KDM4B: variants seen among roughly 807,000 people sequenced by gnomAD.
KDM4B encodes lysine demethylase 4B.
KDM4B carries 32 observed loss-of-function variants against 125.2 expected under a neutral mutation model. The ratio of observed to expected loss-of-function variants is 0.26; its 90% CI spans 0.19 to 0.34. KDM4B has a LOEUF of 0.34. Among genes scored for constraint, KDM4B ranks in the 10% least tolerant of loss-of-function variants. KDM4B has a pLI of 1.00. For synonymous variants in KDM4B, 721 were observed against 677.9 expected, an observed-to-expected ratio of 1.06 and a Z score of -0.99; for missense variants, 1,190 against 1,577.7, an observed-to-expected ratio of 0.75 and a Z score of 4.16.
chr19:5,071,877 A>G (rs559544440), intron 7 of KDM4B, among the ~76,000 whole-genome samples: 1 of 152,328 alleles, frequency 6.6e-6, no homozygotes, highest in South Asian at 2.1e-4. Context: ...TGGCTAAAGC[A>G]GTTCCTCCCT....
chr19:5,111,251 G>A, intron 10 of KDM4B: 1 of 646,188 alleles, frequency 1.5e-6, no homozygotes, highest in South Asian at 1.8e-5. Flanking sequence ...GGCGCTGAGA[G>A]CAGTCGGGTT....
intron 11 of KDM4B, among the ~76,000 whole-genome samples, chr19:5,130,299 G>A (rs151180969): frequency 6.6e-6 from 1 of 152,276 alleles, no homozygotes; most frequent in Non-Finnish European, 1.5e-5. Flanking sequence ...GGACCCGCAC[G>A]CTTCTGGGGG....
chr19:5,137,859 C>A, intron 17 of KDM4B, 103 bp from the exon 18 acceptor site: 2 of 1,135,876 alleles, frequency 1.8e-6, no homozygotes, highest in Non-Finnish European at 2.5e-6. Context: ...TCCTGAAGTT[C>A]CCCAGGCCCT....
At chr19:5,013,591 C>T (rs1218006227) in intron 1 of KDM4B, among the ~76,000 whole-genome samples, 4 of 152,154 alleles carry the variant, frequency 2.6e-5, no homozygotes, top group African/African-American at 4.8e-5. Flanking sequence ...TAGAGGTGTC[C>T]GCATCCCTCG....
At chr19:5,060,119 C>T (rs777501441) in intron 6 of KDM4B, among the ~76,000 whole-genome samples, 6 of 152,186 alleles carry the variant, frequency 3.9e-5, no homozygotes, top group Admixed American at 6.5e-5. Flanking sequence ...TGATCTTGGC[C>T]GGGTGATCCC....
intron 9 of KDM4B, 55 bp from the exon 10 acceptor site, chr19:5,110,567 T>C (rs1599206486): frequency 6.3e-7 from 1 of 1,587,196 alleles, no homozygotes; most frequent in Non-Finnish European, 8.6e-7. Flanking sequence ...GTGGGGTGTG[T>C]GGAGCCAGCC....
At chr19:5,138,429 C>G in intron 18 of KDM4B, 1 of 234,122 alleles carries the variant, frequency 4.3e-6, no homozygotes, top group Non-Finnish European at 8.4e-6. Context: ...GCTGTCTGAT[C>G]TTTGCTGTTT....
At chr19:5,048,800 G>A (rs930877828) in intron 6 of KDM4B, among the ~76,000 whole-genome samples, 1 of 152,216 alleles carries the variant, frequency 6.6e-6, no homozygotes, top group Non-Finnish European at 1.5e-5. Flanking sequence ...CCCATGGTGT[G>A]ACCGGGTTTG....
chr19:5,040,137 C>T (rs1265190836), intron 4 of KDM4B, 126 bp downstream of exon 4: 25 of 1,090,398 alleles, frequency 2.3e-5, no homozygotes, highest in Non-Finnish European at 2.8e-5. Flanking sequence ...GCTCTGTGTG[C>T]CCCGTGTGGG....
At chr19:5,077,246 C>T (rs2038145619) in intron 7 of KDM4B, 121 bp from the exon 8 acceptor site, 2 of 803,208 alleles carry the variant, frequency 2.5e-6, no homozygotes, top group African/African-American at 1.7e-5. Flanking sequence ...GGGCCGTGCT[C>T]TGTGCTCCCA....
intron 9 of KDM4B, among the ~76,000 whole-genome samples, chr19:5,103,139 C>T (rs756023388): frequency 7.2e-5 from 11 of 152,132 alleles, no homozygotes; most frequent in Non-Finnish European, 1.5e-4. Flanking sequence ...GTGTGCAGAG[C>T]CCAGGGCCAA....
chr19:4,985,380 G>T (rs773825235), intron 1 of KDM4B, among the ~76,000 whole-genome samples: 1 of 152,192 alleles, frequency 6.6e-6, no homozygotes, highest in Non-Finnish European at 1.5e-5. Context: ...ACAAGCTGCC[G>T]TCATCTCCAG....
At position 5,151,402 on chromosome 19, in the gene KDM4B, C is replaced by G. The variant is rs752798255; in HGVS notation, c.3182C>G (p.Pro1061Arg). ...GAGGAGGCCAAGGCCGCCAAGCGCC[C>G]GCGTGTGGGCACCCCGCTTGCCACG... The part of the protein sequence containing the change: ...SGEEAKAAKR[P>R]RVGTPLATED... The change falls in exon 23 of 23, where the codon CCG (proline) becomes CGG (arginine). Residue 1061 changes from proline to arginine, a missense_variant. Physicochemically the swap from Pro to Arg is moderately radical, Grantham distance 103. Around this residue, in one of 7 missense-constraint regions of KDM4B, gnomAD observed 109 missense variants for 93.8 expected, o/e 1.16. Coordinates refer to ENST00000159111, the MANE Select transcript of KDM4B (RefSeq NM_015015.3). 1 of 1,582,078 alleles carries G rather than the reference C, an allele frequency of 6.3e-7. No individual in the cohort carries two copies. Among genetic ancestry groups the G allele is most frequent in the Non-Finnish European group, 8.6e-7 (1 of 1,166,584 alleles).
chr19:5,118,887 C>T (rs750892997), intron 10 of KDM4B, among the ~76,000 whole-genome samples: 12 of 152,154 alleles, frequency 7.9e-5, no homozygotes, highest in Non-Finnish European at 8.8e-5. Flanking sequence ...TCTTGGCCCA[C>T]GCCTGCCCCG....
intron 9 of KDM4B, among the ~76,000 whole-genome samples, chr19:5,088,665 T>TCCCCCC (rs35143112): frequency 2.9e-5 from 3 of 103,780 alleles, no homozygotes; most frequent in East Asian, 2.6e-4. Context: ...GCCCCCCCCC[T>TCCCCCC]CCCCCCCCCC....
intron 18 of KDM4B, 50 bp downstream of exon 18, chr19:5,138,120 G>T (rs374480522): frequency 1.5e-6 from 2 of 1,376,554 alleles, no homozygotes; most frequent in Non-Finnish European, 1.0e-6. Context: ...TAGGGCTGCC[G>T]GCCATGCTCG....
intron 10 of KDM4B, chr19:5,113,809 G>T (rs1424529118): frequency 1.3e-5 from 11 of 839,570 alleles, no homozygotes; most frequent in Non-Finnish European, 1.3e-5. Flanking sequence ...CAGGGTGGGC[G>T]CCATGCCCTC....
intron 1 of KDM4B, among the ~76,000 whole-genome samples, chr19:5,013,030 C>T (rs1035199452): frequency 6.6e-5 from 10 of 152,192 alleles, no homozygotes; most frequent in Non-Finnish European, 1.2e-4. Context: ...TCGGGCTGTG[C>T]CTTGAGAACT....
chr19:5,115,133 A>G lies in KDM4B; in HGVS notation c.1115+4315A>G, dbSNP rs1490275889. On this transcript the variant is annotated intron_variant, in intron 10 of 22. Coordinates refer to ENST00000159111, the MANE Select transcript of KDM4B (RefSeq NM_015015.3). This position sits in a 1 kb window ranked among gnomAD's most constrained non-coding sequence, Gnocchi z 4.2. The stretch of plus-strand genomic sequence containing the variant: ...TGGGCCGGCAACCAGGAGGACAGCC[A>G]GCAGGGAGCAGCTGGGCTGCACCAT... Among the ~76,000 whole-genome samples the G allele has an allele frequency of 6.6e-6, 1 of 152,200 alleles. No individual in the cohort carries two copies. The highest frequency in any genetic ancestry group is 6.5e-5 in the Admixed American group (1 of 15,286).
Sources: allele counts gnomAD v4.1 joint callset (sites outside exome capture counted in the v4.1 genomes callset), GRCh38; gene constraint gnomAD v4.1.1; regional missense constraint gnomAD v4.1.1; non-coding constraint Gnocchi (gnomAD v3.1); transcripts MANE v1.5; gene names NCBI Gene and HGNC (gene_info 2026-07-23, HGNC 2026-07-21).